The following QTMAN variants were observed in gnomAD, a reference collection of about 807,000 sequenced individuals.
QTMAN encodes the protein tRNA-queuosine alpha-mannosyltransferase.
At chr2:144,210,647 G>C in the QTMAN span, among the ~76,000 whole-genome samples, 1 of 152,116 alleles carries the variant, frequency 6.6e-6, no homozygotes, top group Non-Finnish European at 1.5e-5. Flanking sequence ...GCTCTAATAA[G>C]GTAGTGTTCA....
the QTMAN span, among the ~76,000 whole-genome samples, chr2:143,976,174 G>GT: frequency 6.6e-6 from 1 of 151,432 alleles, no homozygotes; most frequent in African/African-American, 2.4e-5. Context: ...CTTTTAGGCA[G>GT]TTTTTGACTT....
chr2:144,049,539 T>C, the QTMAN span, among the ~76,000 whole-genome samples: 1 of 152,178 alleles, frequency 6.6e-6, no homozygotes, highest in Non-Finnish European at 1.5e-5. Context: ...TAATGAGCAT[T>C]ATCTACTAAT....
At chr2:144,123,916 G>A in the QTMAN span, among the ~76,000 whole-genome samples, 7 of 152,046 alleles carry the variant, frequency 4.6e-5, no homozygotes, top group Admixed American at 4.6e-4. Context: ...AATATCACAA[G>A]TTTAAAGTAA....
chr2:144,123,988 C>T, the QTMAN span, among the ~76,000 whole-genome samples: 7 of 152,082 alleles, frequency 4.6e-5, no homozygotes, highest in Admixed American at 4.6e-4. Context: ...CAAACTAAAA[C>T]ATTGTTTTCT....
At chr2:143,997,076 T>A in the QTMAN span, among the ~76,000 whole-genome samples, 1 of 152,058 alleles carries the variant, frequency 6.6e-6, no homozygotes, top group Non-Finnish European at 1.5e-5. Context: ...TGGTAAGAAG[T>A]GGTTTCAATG....
chr2:144,016,724 T>C, the QTMAN span, among the ~76,000 whole-genome samples: 3 of 152,086 alleles, frequency 2.0e-5, no homozygotes, highest in Non-Finnish European at 2.9e-5. Flanking sequence ...CAAACAAATA[T>C]AAGAATTCCC....
At chr2:144,163,970 C>T in the QTMAN span, among the ~76,000 whole-genome samples, 1 of 152,168 alleles carries the variant, frequency 6.6e-6, no homozygotes, top group East Asian at 1.9e-4. Flanking sequence ...TGTCACCAGG[C>T]TGGAGTGCAG....
chr2:144,185,209 A>T, the QTMAN span, among the ~76,000 whole-genome samples: 3 of 152,230 alleles, frequency 2.0e-5, no homozygotes, highest in Non-Finnish European at 4.4e-5. Flanking sequence ...GGTAGGTATT[A>T]TTAGTCCCAT....
At chr2:144,330,336 G>A in the QTMAN span, among the ~76,000 whole-genome samples, 1 of 152,198 alleles carries the variant, frequency 6.6e-6, no homozygotes, top group African/African-American at 2.4e-5. Flanking sequence ...GCCTAGGTGT[G>A]AAGTAGGCTA....
chr2:144,049,208 T>A, the QTMAN span, among the ~76,000 whole-genome samples: 1 of 152,242 alleles, frequency 6.6e-6, no homozygotes, highest in African/African-American at 2.4e-5. Context: ...TTACTGTTTA[T>A]GACAAGTCAA....
chr2:143,957,154 A>C, the QTMAN span: 2 of 1,503,482 alleles, frequency 1.3e-6, no homozygotes, highest in Non-Finnish European at 1.8e-6. Flanking sequence ...AAAACTGATT[A>C]GAGATTGCTT....
the QTMAN span, among the ~76,000 whole-genome samples, chr2:144,001,673 G>A: frequency 6.6e-6 from 1 of 151,968 alleles, no homozygotes; most frequent in Admixed American, 6.6e-5. Flanking sequence ...AATTACAGGG[G>A]TTTTATGATC....
the QTMAN span, chr2:144,237,245 C>CA: frequency 6.6e-6 from 1 of 152,114 alleles, no homozygotes; most frequent in Non-Finnish European, 1.5e-5. Context: ...TATACCCACC[C>CA]AGCATGTCAC....
the QTMAN span, among the ~76,000 whole-genome samples, chr2:144,296,320 T>A: frequency 6.6e-6 from 1 of 152,230 alleles, no homozygotes; most frequent in African/African-American, 2.4e-5. Context: ...TTATTCACTT[T>A]AGAAAACCTT....
At chr2:144,136,843 T>C in the QTMAN span, among the ~76,000 whole-genome samples, 1 of 152,154 alleles carries the variant, frequency 6.6e-6, no homozygotes, top group Non-Finnish European at 1.5e-5. Context: ...GTAATTCTCA[T>C]CTCACCAAGT....
chr2:144,325,269 T>A, the QTMAN span, among the ~76,000 whole-genome samples: 1 of 152,052 alleles, frequency 6.6e-6, no homozygotes, highest in Admixed American at 6.5e-5. Context: ...TCTTAAGGAG[T>A]CACACACACT....
the QTMAN span, chr2:143,963,794 C>CTTTATT: frequency 6.6e-6 from 1 of 152,006 alleles, no homozygotes; most frequent in South Asian, 2.1e-4. Flanking sequence ...CCTTACTTTT[C>CTTTATT]CCATTATGTT....
At chr2:144,150,985 C>T in the QTMAN span, among the ~76,000 whole-genome samples, 11 of 152,002 alleles carry the variant, frequency 7.2e-5, no homozygotes, top group South Asian at 1.2e-3. Flanking sequence ...AGGAACTGAA[C>T]GAAGACCAAG....
At chr2:144,140,125 C>T in the QTMAN span, among the ~76,000 whole-genome samples, 4 of 151,960 alleles carry the variant, frequency 2.6e-5, no homozygotes, top group Non-Finnish European at 5.9e-5. Flanking sequence ...AAGCAAATTA[C>T]CATTTGAAAA....
Sources: allele counts gnomAD v4.1 joint callset (sites outside exome capture counted in the v4.1 genomes callset), GRCh38; gene constraint gnomAD v4.1.1; transcripts MANE v1.5; gene names NCBI Gene and HGNC (gene_info 2026-07-23, HGNC 2026-07-21).